SHROOM3: variants seen among roughly 807,000 people sequenced by gnomAD.
The protein encoded by SHROOM3 is protein Shroom3.
Under a neutral mutation model 138.6 loss-of-function variants are expected in SHROOM3, and 47 were observed. The observed-to-expected ratio is 0.34, with a 90% CI of 0.27 to 0.43. The LOEUF is 0.43. Ranked by LOEUF, SHROOM3 falls within the 20% of genes least tolerant of loss-of-function variation. SHROOM3 has a pLI of 1.00. For missense variants in SHROOM3, 2,491 were observed against 2,596.5 expected, an observed-to-expected ratio of 0.96 and a Z score of 0.88; for synonymous variants, 1,062 against 1,063.3, an observed-to-expected ratio of 1.00 and a Z score of 0.02.
intron 2 of SHROOM3, among the ~76,000 whole-genome samples, chr4:76,603,608 A>G (rs1734554529): frequency 6.6e-6 from 1 of 151,794 alleles, no homozygotes; most frequent in South Asian, 2.1e-4. Flanking sequence ...TAATATTTTA[A>G]GTTCTAGGGC....
At chr4:76,632,098 T>A (rs557894263) in intron 2 of SHROOM3, among the ~76,000 whole-genome samples, 5 of 152,178 alleles carry the variant, frequency 3.3e-5, no homozygotes, top group African/African-American at 1.2e-4. Context: ...GAGTAGAGGT[T>A]GAGGGGTTGG....
At chr4:76,732,022 G>A (rs980218273) in intron 4 of SHROOM3, among the ~76,000 whole-genome samples, 6 of 152,110 alleles carry the variant, frequency 3.9e-5, no homozygotes, top group African/African-American at 9.7e-5. Context: ...GTTATAGAAC[G>A]AGGGAGCACA....
chr4:76,574,314 G>T (rs77916575), intron 2 of SHROOM3, among the ~76,000 whole-genome samples: 79 of 152,170 alleles, frequency 5.2e-4, no homozygotes, highest in Middle Eastern at 3.4e-3. Context: ...AGGTTACAAT[G>T]GTTGTCAAAA....
At chr4:76,568,746 G>A (rs1733778258) in intron 2 of SHROOM3, among the ~76,000 whole-genome samples, 1 of 152,182 alleles carries the variant, frequency 6.6e-6, no homozygotes, top group Non-Finnish European at 1.5e-5. Context: ...ACTCTTTGCA[G>A]TCACCTTGTT....
At chr4:76,459,849 AC>A (rs1180252848) in intron 1 of SHROOM3, among the ~76,000 whole-genome samples, 1 of 152,142 alleles carries the variant, frequency 6.6e-6, no homozygotes, top group African/African-American at 2.4e-5. Context: ...TGCAGTTGAT[AC>A]CAAAATAACC....
chr4:76,439,214 C>T (rs1393510354), intron 1 of SHROOM3, among the ~76,000 whole-genome samples: 1 of 152,172 alleles, frequency 6.6e-6, no homozygotes, highest in Non-Finnish European at 1.5e-5. Context: ...AAGTCTGCAA[C>T]AGCAGGTTGA....
chr4:76,646,228 AT>A lies in SHROOM3; in HGVS notation c.324-63927del, dbSNP rs1220918702. On this transcript the variant is annotated intron_variant, in intron 2 of 10. Transcript: ENST00000296043. ...AGAACTTAAAGTATAATAAATAAAT[AT>A]ATATATATATATATATATAAAATTA... Among the ~76,000 whole-genome samples, 9 of 132,536 alleles carry A rather than the reference AT, an allele frequency of 6.8e-5. 1 individual carries two copies. In the South Asian group the frequency reaches 1.2e-3, roughly 18 times the overall value. The allele number at this position is 132,536 out of a possible 152,430, so 86.9% of individuals were successfully genotyped here.
At chr4:76,632,863 C>T (rs942858829) in intron 2 of SHROOM3, among the ~76,000 whole-genome samples, 1 of 152,074 alleles carries the variant, frequency 6.6e-6, no homozygotes, top group Non-Finnish European at 1.5e-5. Context: ...ATCTTGAATA[C>T]TAATTTCTTG....
chr4:76,457,448 T>C (rs576200074), intron 1 of SHROOM3, among the ~76,000 whole-genome samples: 1 of 152,100 alleles, frequency 6.6e-6, no homozygotes, highest in African/African-American at 2.4e-5. Context: ...CTATGCTTCC[T>C]GTACAGCCTG....
chr4:76,521,296 G>A (rs62300885), intron 1 of SHROOM3, among the ~76,000 whole-genome samples: 207 of 152,198 alleles, frequency 1.4e-3, no homozygotes, highest in African/African-American at 4.8e-3. Context: ...GTGTGTGTGC[G>A]CACATATGTG....
At chr4:76,680,680 C>A (rs183876775) in intron 2 of SHROOM3, among the ~76,000 whole-genome samples, 1 of 152,274 alleles carries the variant, frequency 6.6e-6, no homozygotes, top group East Asian at 1.9e-4. Context: ...ACATCTAGAA[C>A]TTCAGCAACT....
chr4:76,628,576 T>C (rs372432499), intron 2 of SHROOM3, among the ~76,000 whole-genome samples: 51 of 152,292 alleles, frequency 3.3e-4, no homozygotes, highest in South Asian at 1.5e-3. Flanking sequence ...CAAATACTTA[T>C]TGTGTCTTTG....
chr4:76,673,566 G>A (rs1704875797), intron 2 of SHROOM3, among the ~76,000 whole-genome samples: 1 of 152,074 alleles, frequency 6.6e-6, no homozygotes, highest in African/African-American at 2.4e-5. Context: ...GAGTGGGGTG[G>A]GGTTTAAATA....
intron 2 of SHROOM3, among the ~76,000 whole-genome samples, chr4:76,633,092 C>T (rs1056324045): frequency 3.2e-4 from 49 of 152,076 alleles, no homozygotes; most frequent in African/African-American, 6.5e-4. Context: ...ATCTTGCAGC[C>T]GAGCGCGGTG....
At chr4:76,744,963 T>C (rs1320753206) in intron 5 of SHROOM3, among the ~76,000 whole-genome samples, 2 of 152,252 alleles carry the variant, frequency 1.3e-5, no homozygotes, top group Admixed American at 6.5e-5. Context: ...CCTGAAATAA[T>C]GACTGCAGGA....
chr4:76,709,744 T>C (rs2870402), intron 2 of SHROOM3: 103,987 of 269,328 alleles, frequency 0.39, 22,173 homozygotes, highest in African/African-American at 0.58. Flanking sequence ...ACTTGAGAAG[T>C]GAGGTGGCAG....
chr4:76,675,100 A>G (rs1396828362), intron 2 of SHROOM3, among the ~76,000 whole-genome samples: 1 of 152,212 alleles, frequency 6.6e-6, no homozygotes, highest in African/African-American at 2.4e-5. Context: ...AGATTTATTC[A>G]TTCCTACACA....
chr4:76,646,229 T>TAAATAA lies in SHROOM3; in HGVS notation c.324-63926_324-63925insAATAAA, dbSNP rs1735815046. 4.5e-4 allele frequency among the ~76,000 whole-genome samples: 17 copies of TAAATAA among 37,456 alleles called. 1 individual carries two copies. The East Asian group carries it at 0.018, about 40-fold the overall frequency. The allele number at this position is 37,456 out of a possible 152,430, so 24.6% of individuals were successfully genotyped here. On this transcript the variant is annotated intron_variant, in intron 2 of 10. Transcript: ENST00000296043. ...GAACTTAAAGTATAATAAATAAATA[T>TAAATAA]ATATATATATATATATATAAAATTA...
At chr4:76,512,097 T>C (rs957362028) in intron 1 of SHROOM3, among the ~76,000 whole-genome samples, 2 of 152,020 alleles carry the variant, frequency 1.3e-5, no homozygotes, top group African/African-American at 2.4e-5. Flanking sequence ...CAGGCAGAAG[T>C]TGACCTAAGA....
Sources: allele counts gnomAD v4.1 joint callset (sites outside exome capture counted in the v4.1 genomes callset), GRCh38; gene constraint gnomAD v4.1.1; transcripts MANE v1.5; gene names NCBI Gene and HGNC (gene_info 2026-07-23, HGNC 2026-07-21).